Variants in CNTNAP3B observed in about 807,000 individuals in gnomAD.
The protein encoded by CNTNAP3B is contactin-associated protein-like 3B.
A neutral mutation model predicts 108.9 loss-of-function variants in CNTNAP3B; 25 were observed. That is an observed-to-expected ratio of 0.23 (90% CI 0.17 to 0.32). CNTNAP3B has a LOEUF of 0.32. Ranked by LOEUF, CNTNAP3B falls within the 10% of genes least tolerant of loss-of-function variation. The pLI, the probability that CNTNAP3B is intolerant of heterozygous loss-of-function variation, is 1.00. For missense variants in CNTNAP3B, 252 were observed against 1,210.4 expected (o/e 0.21, Z 11.75); for synonymous variants, 103 against 473.4 (o/e 0.22, Z 10.16).
At chr9:41,933,789 C>T (rs1233256929) in intron 14 of CNTNAP3B, among the ~76,000 whole-genome samples, 4 of 152,262 alleles carry the variant, frequency 2.6e-5, no homozygotes, top group Non-Finnish European at 5.9e-5. Flanking sequence ...TTAACTGACA[C>T]ATGCATGAGC....
At chr9:41,953,115 G>C in intron 13 of CNTNAP3B, 68 bp downstream of exon 13, 3 of 1,405,090 alleles carry the variant, frequency 2.1e-6, no homozygotes, top group Non-Finnish European at 2.8e-6. Flanking sequence ...TCCCTCAAAG[G>C]CATCTCGCAG....
At chr9:42,119,603 A>T (rs1257220853) in intron 1 of CNTNAP3B, among the ~76,000 whole-genome samples, 1 of 131,788 alleles carries the variant, frequency 7.6e-6, no homozygotes, top group Non-Finnish European at 1.6e-5. Context: ...CAGTAACCAA[A>T]ACAGCATGGC....
intron 3 of CNTNAP3B, among the ~76,000 whole-genome samples, chr9:42,045,262 T>C (rs1826847862): frequency 8.7e-6 from 1 of 115,388 alleles, no homozygotes; most frequent in Non-Finnish European, 1.7e-5. Flanking sequence ...TTATGCATAT[T>C]TTATGGCATA....
chr9:42,112,778 C>G lies in CNTNAP3B; in HGVS notation c.86-8039G>C, dbSNP rs1339783145. On this transcript the variant is annotated intron_variant, in intron 1 of 23. Coordinates refer to ENST00000377561, the MANE Select transcript of CNTNAP3B (RefSeq NM_001201380.3). ...AATATAAAGTTATAACAACAGTATA[C>G]CAATTTTAACATACCAGGACCAAGG... Among the ~76,000 whole-genome samples, 2 of 136,418 alleles carry G rather than the reference C, an allele frequency of 1.5e-5. 1 individual carries two copies. The highest frequency in any genetic ancestry group is 3.1e-5 in the Non-Finnish European group (2 of 64,336). 89.5% of individuals were successfully genotyped at this position (136,418 alleles called of 152,430 possible).
intron 13 of CNTNAP3B, among the ~76,000 whole-genome samples, chr9:41,944,408 C>T (rs1365075763): frequency 1.3e-5 from 2 of 150,720 alleles, no homozygotes; most frequent in African/African-American, 4.9e-5. Flanking sequence ...CAAAATAAGA[C>T]AGAAGGATTG....
intron 14 of CNTNAP3B, among the ~76,000 whole-genome samples, chr9:41,932,373 C>T (rs1197931563): frequency 4.4e-4 from 67 of 151,954 alleles, no homozygotes; most frequent in African/African-American, 1.6e-3. Context: ...ATTGTACTTT[C>T]CTAGGAAGTG....
chr9:42,110,951 T>C (rs1828182915), intron 1 of CNTNAP3B, among the ~76,000 whole-genome samples: 2 of 139,984 alleles, frequency 1.4e-5, no homozygotes, highest in Non-Finnish European at 3.1e-5. Flanking sequence ...ATGGTCAATG[T>C]AAAAATCTAC....
Position 41,953,359 on chromosome 9 carries a change from T to A in CNTNAP3B, c.1904A>T (p.His635Leu), listed in dbSNP as rs754186081. 12 of 1,552,416 alleles carry A rather than the reference T, an allele frequency of 7.7e-6. No individual in the cohort carries two copies. Among genetic ancestry groups the A allele is most frequent in the Non-Finnish European group, 9.5e-6 (11 of 1,154,930 alleles). ...GAGGGTCACCGCGTCGGGGCCACCGTGCCGCACCACCGTCCACGCGGAGTC... is the reference window on the plus strand; with the variant it reads ...GAGGGTCACCGCGTCGGGGCCACCGAGCCGCACCACCGTCCACGCGGAGTC... ...TADSAWTVVR[H>L]GGPDAVTLRG... Residue 635 changes from histidine to leucine, a missense_variant, in exon 13 of 24, where the codon CAC (histidine) becomes CTC (leucine). Transcript: ENST00000377561.
intron 10 of CNTNAP3B, among the ~76,000 whole-genome samples, chr9:41,968,986 C>G (rs62556385): frequency 7.0e-6 from 1 of 143,448 alleles, no homozygotes; most frequent in Non-Finnish European, 1.5e-5. Flanking sequence ...TTAGTAGAGA[C>G]GGGGTTTCAC....
rs1470205850 is a variant in CNTNAP3B at position 42,096,244 on chromosome 9, C to T, written c.196+8385G>A. Among the ~76,000 whole-genome samples, 177 of 139,186 alleles carry T rather than the reference C, an allele frequency of 1.3e-3. 22 individuals carry two copies. In the East Asian group the frequency reaches 0.027, roughly 21 times the overall value. 91.3% of individuals were successfully genotyped at this position (139,186 alleles called of 152,430 possible). Reference sequence around the variant, plus strand: ...ATCCCTGAGCTTCAGTGAAGACTTCCATTAAGCCACCACCGGCAAGGCTCT... The same window carrying T: ...ATCCCTGAGCTTCAGTGAAGACTTCTATTAAGCCACCACCGGCAAGGCTCT... On this transcript the variant is annotated intron_variant, in intron 2 of 23. Transcript: ENST00000377561.
intron 15 of CNTNAP3B, among the ~76,000 whole-genome samples, chr9:41,928,236 AT>A (rs1564145837): frequency 6.6e-6 from 1 of 152,254 alleles, no homozygotes. Flanking sequence ...AAAGAACTTT[AT>A]TGCTCACAGC....
intron 13 of CNTNAP3B, among the ~76,000 whole-genome samples, chr9:41,941,979 A>G (rs538523764): frequency 6.6e-6 from 1 of 152,302 alleles, no homozygotes; most frequent in Non-Finnish European, 1.5e-5. Flanking sequence ...GCTGAACATT[A>G]TGTTCTCCTT....
At chr9:41,940,732 G>A (rs1388124915) in intron 13 of CNTNAP3B, among the ~76,000 whole-genome samples, 4 of 152,210 alleles carry the variant, frequency 2.6e-5, no homozygotes, top group South Asian at 2.1e-4. Context: ...GGAGAATGGC[G>A]TGAACCCGGG....
rs1478523511 is a variant in CNTNAP3B, at chr9:42,108,044, G to A, written c.86-3305C>T. Among the ~76,000 whole-genome samples the A allele has an allele frequency of 5.8e-5, 8 of 136,956 alleles. 1 individual carries two copies. The highest frequency in any genetic ancestry group is 2.0e-4 in the African/African-American group (7 of 34,384). The allele number at this position is 136,956 out of a possible 152,430, so 89.8% of individuals were successfully genotyped here. Reference sequence around the variant, plus strand: ...ATAAAAGAACATAAGAACATATCTGGTACCTAAGTTTATTGTTTTTTCCCT... The same window carrying A: ...ATAAAAGAACATAAGAACATATCTGATACCTAAGTTTATTGTTTTTTCCCT... On this transcript the variant is annotated intron_variant, in intron 1 of 23. Coordinates refer to ENST00000377561, the MANE Select transcript of CNTNAP3B (RefSeq NM_001201380.3).
intron 3 of CNTNAP3B, among the ~76,000 whole-genome samples, chr9:42,031,126 A>AT (rs1214273825): frequency 7.6e-5 from 6 of 79,254 alleles, no homozygotes; most frequent in East Asian, 5.3e-4. Context: ...CCTTTTCATG[A>AT]TTTTTTTTAA....
intron 3 of CNTNAP3B, among the ~76,000 whole-genome samples, chr9:42,066,194 A>G (rs1345935689): frequency 1.5e-5 from 2 of 137,314 alleles, no homozygotes; most frequent in African/African-American, 5.8e-5. Flanking sequence ...GAGAATTTAC[A>G]CAGATCTCCT....
At chr9:41,957,826 T>C (rs1824912842) in intron 12 of CNTNAP3B, among the ~76,000 whole-genome samples, 1 of 152,298 alleles carries the variant, frequency 6.6e-6, no homozygotes, top group South Asian at 2.1e-4. Context: ...AGTGGCATGA[T>C]CTCAGCTCAC....
In CNTNAP3B at chr9:42,121,568, T is replaced by C. The variant is rs1488336559; in HGVS notation, c.85+7442A>G. Among the ~76,000 whole-genome samples, 7 of 139,498 alleles carry C rather than the reference T, an allele frequency of 5.0e-5. No homozygotes were observed. The East Asian group carries it at 1.5e-3, about 30-fold the overall frequency. The allele number at this position is 139,498 out of a possible 152,430, so 91.5% of individuals were successfully genotyped here. ...ACCCCGGCCACCCAGGAGATGAGCT[T>C]TGTCACAGCAATTCTTCCTCATATC... is the stretch of plus-strand genomic sequence containing the variant. On this transcript the variant is annotated intron_variant, in intron 1 of 23. Transcript: ENST00000377561.
intron 13 of CNTNAP3B, among the ~76,000 whole-genome samples, chr9:41,941,479 A>G (rs1824340944): frequency 6.6e-6 from 1 of 151,362 alleles, no homozygotes; most frequent in African/African-American, 2.4e-5. Flanking sequence ...AATCACCAGG[A>G]AGACATAAAT....
Sources: allele counts gnomAD v4.1 joint callset (sites outside exome capture counted in the v4.1 genomes callset), GRCh38; gene constraint gnomAD v4.1.1; transcripts MANE v1.5; gene names NCBI Gene and HGNC (gene_info 2026-07-23, HGNC 2026-07-21).